C6orf89: variants seen among roughly 807,000 people sequenced by gnomAD.
C6orf89 encodes the protein bombesin receptor-activated protein C6orf89.
In C6orf89, 29 loss-of-function variants were observed where a neutral mutation model predicts 40.7. The observed-to-expected ratio is 0.71, with a 90% CI of 0.53 to 0.97. The LOEUF is 0.97. Ranked by LOEUF, C6orf89 falls within the 50% of genes least tolerant of loss-of-function variation. The pLI, the probability that C6orf89 is intolerant of heterozygous loss-of-function variation, is 0.00. For missense variants in C6orf89, 392 were observed against 429.1 expected, an observed-to-expected ratio of 0.91 and a Z score of 0.76; for synonymous variants, 165 against 152.2, an observed-to-expected ratio of 1.08 and a Z score of -0.62.
chr6:36,923,316 A>G (rs760877266), intron 8 of C6orf89, 31 bp from the exon 9 acceptor site: 2 of 1,572,982 alleles, frequency 1.3e-6, no homozygotes, highest in Non-Finnish European at 1.7e-6. Flanking sequence ...TCTGACATTT[A>G]CATGCCTTCC....
chr6:36,899,687 A>G, intron 3 of C6orf89, 54 bp downstream of exon 3: 1 of 1,536,650 alleles, frequency 6.5e-7, no homozygotes, highest in Non-Finnish European at 9.0e-7. Flanking sequence ...ACTGTTCAAC[A>G]TTCTTCACAA....
intron 8 of C6orf89, 69 bp downstream of exon 8, chr6:36,919,770 A>G: frequency 6.8e-7 from 1 of 1,481,430 alleles, no homozygotes; most frequent in Non-Finnish European, 9.1e-7. Flanking sequence ...CTATTTTAAG[A>G]ATCACATACT....
rs150672101 is a variant in C6orf89, at chr6:36,921,463, G to A, written c.949+1762G>A. Among the ~76,000 whole-genome samples, 877 of 152,166 alleles carry A rather than the reference G, an allele frequency of 5.8e-3. 7 individuals are homozygous for A. Among genetic ancestry groups the A allele is most frequent in the African/African-American group, 0.019 (793 of 41,510 alleles). ...TACATTTTCCTGTGGAGATGGAGGGGAGAGGGGTTCCAGATCACCAGAAAA... is the reference window on the plus strand; with the variant it reads ...TACATTTTCCTGTGGAGATGGAGGGAAGAGGGGTTCCAGATCACCAGAAAA... On this transcript the variant is annotated intron_variant, in intron 8 of 8. Coordinates refer to ENST00000480824, the MANE Select transcript of C6orf89 (RefSeq NM_001286635.2).
At chr6:36,896,350 T>G (rs1162166486) in intron 2 of C6orf89, among the ~76,000 whole-genome samples, 1 of 152,186 alleles carries the variant, frequency 6.6e-6, no homozygotes, top group Non-Finnish European at 1.5e-5. Context: ...TCAAGTGATC[T>G]GCCACCTTGG....
intron 1 of C6orf89, among the ~76,000 whole-genome samples, chr6:36,890,683 G>A (rs570751096): frequency 3.4e-4 from 51 of 152,134 alleles, no homozygotes; most frequent in Middle Eastern, 6.8e-3. Context: ...ATAGGCATGC[G>A]TCACCATGCC....
At chr6:36,876,947 A>G (rs1387174429) in intron 1 of C6orf89, among the ~76,000 whole-genome samples, 1 of 152,130 alleles carries the variant, frequency 6.6e-6, no homozygotes, top group East Asian at 1.9e-4. Context: ...CCTACTAATC[A>G]TTACCCATTC....
chr6:36,905,477 A>G lies in C6orf89; in HGVS notation c.403+3043A>G, dbSNP rs138816283. ...TATTCTTTCTGGCTGTTCCAAAGAT[A>G]AGTGGTCTTCCAAGCTTCTGACCCT... On this transcript the variant is annotated intron_variant, in intron 4 of 8. Transcript: ENST00000480824. 2.1e-4 allele frequency among the ~76,000 whole-genome samples: 32 copies of G among 152,262 alleles called. No individual in the cohort carries two copies. In the East Asian group the frequency reaches 5.2e-3, roughly 25 times the overall value.
intron 2 of C6orf89, among the ~76,000 whole-genome samples, chr6:36,895,681 C>A (rs993288949): frequency 6.6e-6 from 1 of 152,170 alleles, no homozygotes; most frequent in Non-Finnish European, 1.5e-5. Context: ...ATCAGTACTG[C>A]ATTCCTTTTT....
chr6:36,886,086 G>GCCA (rs1554134519), intron 1 of C6orf89, 58 bp downstream of exon 1: 2 of 1,237,938 alleles, frequency 1.6e-6, no homozygotes, highest in Non-Finnish European at 2.0e-6. Flanking sequence ...CAGCCTCGCC[G>GCCA]CGCCCGTCTC....
intron 3 of C6orf89, among the ~76,000 whole-genome samples, chr6:36,901,419 C>G (rs1761707460): frequency 7.2e-6 from 1 of 139,548 alleles, no homozygotes; most frequent in African/African-American, 2.6e-5. Flanking sequence ...ACTGCAAGCT[C>G]CATCTCCCAG....
In C6orf89 at chr6:36,913,079, C is replaced by G. The variant is rs76554714; in HGVS notation, c.404-1205C>G. Among the ~76,000 whole-genome samples the G allele has an allele frequency of 3.8e-3, 571 of 152,264 alleles. 3 individuals carry two copies. Among genetic ancestry groups the G allele is most frequent in the African/African-American group, 0.011 (448 of 41,546 alleles). The stretch of plus-strand genomic sequence containing the variant: ...CAGAGTTTAAAACAAACACATCTCT[C>G]AGAGAACCTAGACGAAATCCAAAAT... On this transcript the variant is annotated intron_variant, in intron 4 of 8. Transcript: ENST00000480824.
At chr6:36,896,308 A>G (rs1018697232) in intron 2 of C6orf89, among the ~76,000 whole-genome samples, 3 of 152,130 alleles carry the variant, frequency 2.0e-5, no homozygotes, top group Non-Finnish European at 4.4e-5. Flanking sequence ...GGGTTTCACC[A>G]TGTTGACCAG....
chr6:36,906,442 A>G (rs1561868684), intron 4 of C6orf89, among the ~76,000 whole-genome samples: 1 of 152,236 alleles, frequency 6.6e-6, no homozygotes, highest in Non-Finnish European at 1.5e-5. Flanking sequence ...AGATGAGGAA[A>G]CTGATGTGCA....
intron 1 of C6orf89, among the ~76,000 whole-genome samples, chr6:36,893,192 C>CACAAAGTGCTGGGCCCCA (rs1561860338): frequency 6.6e-6 from 1 of 151,682 alleles, no homozygotes; most frequent in Non-Finnish European, 1.5e-5. Context: ...CCTCGGCCTC[C>CACAAAGTGCTGGGCCCCA]CAAAGTGCTG....
chr6:36,874,043 C>T (rs1370104341), intron 1 of C6orf89, among the ~76,000 whole-genome samples: 1 of 152,176 alleles, frequency 6.6e-6, no homozygotes, highest in Non-Finnish European at 1.5e-5. Flanking sequence ...ACGAGCACAC[C>T]AGGCTCCAAA....
In C6orf89 at chr6:36,926,926, A is replaced by T. The variant is rs567457192; in HGVS notation, c.*3485A>T. Reference sequence around the variant, plus strand: ...TCCGTTGGGGTGGGAGAACCCAGGGATGGGGGTCAGCAAGCCAGGAACTCC... The same window carrying T: ...TCCGTTGGGGTGGGAGAACCCAGGGTTGGGGGTCAGCAAGCCAGGAACTCC... On this transcript the variant is annotated 3_prime_UTR_variant, in exon 9 of 9. Transcript: ENST00000480824. The T allele has an allele frequency of 6.6e-6, 1 of 152,366 alleles. No individual in the cohort carries two copies. The highest frequency in any genetic ancestry group is 2.4e-5 in the African/African-American group (1 of 41,584). The allele number at this position is 152,366 out of a possible 1,614,324, so 9.4% of individuals were successfully genotyped here. A position where few individuals can be genotyped will look rare whatever the true frequency, so the allele number is the denominator to read the frequency against.
rs1472020013 is a variant in C6orf89, at chr6:36,894,359, A to G, written c.-119-145A>G. ...GGGTATTGTTAGATAATGAATTGTA[A>G]CATATTTAAATGAATATTATTCCTA... On this transcript the variant is annotated intron_variant, in intron 1 of 8. Coordinates refer to ENST00000480824, the MANE Select transcript of C6orf89 (RefSeq NM_001286635.2). 9 of 181,186 alleles carry G rather than the reference A, an allele frequency of 5.0e-5. No individual in the cohort carries two copies. In the Admixed American group the frequency reaches 5.9e-4, roughly 12 times the overall value. The allele number at this position is 181,186 out of a possible 1,614,324, so 11.2% of individuals were successfully genotyped here.
At chr6:36,912,398 G>A (rs1291538093) in intron 4 of C6orf89, among the ~76,000 whole-genome samples, 1 of 152,114 alleles carries the variant, frequency 6.6e-6, no homozygotes. Flanking sequence ...CCCTTCCATC[G>A]CAAGTACTTT....
At chr6:36,896,183 T>C (rs1224500) in intron 2 of C6orf89, among the ~76,000 whole-genome samples, 1 of 152,114 alleles carries the variant, frequency 6.6e-6, no homozygotes, top group South Asian at 2.1e-4. Context: ...TCTTGGCTCA[T>C]TGCAACCTCT....
Sources: allele counts gnomAD v4.1 joint callset (sites outside exome capture counted in the v4.1 genomes callset), GRCh38; gene constraint gnomAD v4.1.1; transcripts MANE v1.5; gene names NCBI Gene and HGNC (gene_info 2026-07-23, HGNC 2026-07-21).